CPA5: variants seen among roughly 807,000 people sequenced by gnomAD.
The protein encoded by CPA5 is carboxypeptidase A5.
A neutral mutation model predicts 52.2 loss-of-function variants in CPA5; 38 were observed. The observed-to-expected ratio is 0.73, with a 90% CI of 0.56 to 0.95. The LOEUF is 0.95. Among genes scored for constraint, CPA5 ranks in the 40% least tolerant of loss-of-function variants. The pLI, the probability that CPA5 is intolerant of heterozygous loss-of-function variation, is 0.00. For synonymous variants in CPA5, 198 were observed against 213.7 expected, an observed-to-expected ratio of 0.93 and a Z score of 0.64; for missense variants, 519 against 566.7, an observed-to-expected ratio of 0.92 and a Z score of 0.86.
intron 8 of CPA5, 119 bp downstream of exon 8, chr7:130,362,658 C>T (rs1305781528): frequency 2.2e-5 from 16 of 739,294 alleles, no homozygotes; most frequent in Middle Eastern, 2.6e-4. Context: ...GTCTCCATCC[C>T]GCCCTTTGGA....
downstream of CPA5, among the ~76,000 whole-genome samples, chr7:130,369,947 C>G (rs1796276911): frequency 6.6e-6 from 1 of 152,172 alleles, no homozygotes; most frequent in African/African-American, 2.4e-5. Context: ...ATCAAAACCC[C>G]AAGTAAGGTT....
chr7:130,369,667 G>A (rs1796272223), downstream of CPA5, among the ~76,000 whole-genome samples: 1 of 152,160 alleles, frequency 6.6e-6, no homozygotes, highest in Non-Finnish European at 1.5e-5. Context: ...GTGCACGTGT[G>A]TGCATGTGCG....
At chr7:130,353,102 TAC>T (rs1379881603) in intron 5 of CPA5, among the ~76,000 whole-genome samples, 5 of 151,990 alleles carry the variant, frequency 3.3e-5, no homozygotes, top group African/African-American at 1.2e-4. Context: ...ACCATGCAAA[TAC>T]AGTTATTTCT....
At chr7:130,358,585 A>G (rs540230798) in intron 5 of CPA5, among the ~76,000 whole-genome samples, 4 of 152,312 alleles carry the variant, frequency 2.6e-5, no homozygotes, top group Admixed American at 6.5e-5. Flanking sequence ...GTTGTGGCCC[A>G]GTGCTGCAAA....
chr7:130,366,328 C>G (rs782788639), intron 10 of CPA5, among the ~76,000 whole-genome samples: 1 of 152,114 alleles, frequency 6.6e-6, no homozygotes, highest in African/African-American at 2.4e-5. Flanking sequence ...GCCAACATTC[C>G]AGGGAAGAGG....
intron 5 of CPA5, among the ~76,000 whole-genome samples, chr7:130,351,909 A>T (rs1554404042): frequency 1.3e-5 from 2 of 152,078 alleles, no homozygotes; most frequent in Non-Finnish European, 2.9e-5. Context: ...AGTTCAGGAC[A>T]GGCACAACCT....
rs1206684584 is a variant in CPA5, at chr7:130,362,504, A to C, written c.601A>C (p.Ile201Leu). Residue 201 changes from isoleucine (I) to leucine (L), a missense_variant, in exon 8 of 13, where the codon ATC becomes CTC. Transcript: ENST00000474905. ...IDTGIHSREW[I>L]THATGIWTAN... ...CACTGGAATTCACTCCCGGGAGTGG[A>C]TCACCCATGCCACCGGCATCTGGAC... 37 of 1,613,544 alleles carry C rather than the reference A, an allele frequency of 2.3e-5. No homozygotes were observed. The highest frequency in any genetic ancestry group is 4.0e-5 in the African/African-American group (3 of 74,904).
intron 5 of CPA5, among the ~76,000 whole-genome samples, chr7:130,353,238 TCCGC>T (rs1554404439): frequency 2.5e-5 from 1 of 39,858 alleles, no homozygotes; most frequent in Non-Finnish European, 5.9e-5. Context: ...TCCATCCCTG[TCCGC>T]CAGCAGGCTG....
Position 130,362,991 on chromosome 7 carries a change from C to A in CPA5, c.744C>A (p.Ser248Arg). 6.3e-7 allele frequency: 1 copy of A among 1,586,984 alleles called. No homozygotes were observed. Among genetic ancestry groups the A allele is most frequent in the Non-Finnish European group, 8.7e-7 (1 of 1,155,500 alleles). The change falls in exon 9 of 13, where the codon AGC (serine) becomes AGA (arginine). Residue 248 changes from serine (S) to arginine (R), a missense_variant. Physicochemically the swap from Ser to Arg is moderately radical, Grantham distance 110. Transcript: ENST00000474905. The part of the protein sequence containing the change: ...TNPDGFAFTH[S>R]MNRLWRKNKS... ...CTGATGGGTTTGCTTTTACCCACAG[C>A]ATGGTGAGGGAACCTGGGAAGGATG...
At chr7:130,365,781 C>T (rs1554408100) in intron 10 of CPA5, among the ~76,000 whole-genome samples, 4 of 152,240 alleles carry the variant, frequency 2.6e-5, no homozygotes, top group South Asian at 4.1e-4. Flanking sequence ...GTGCGTGGGC[C>T]GCAAAGGCAG....
chr7:130,366,429 G>T (rs782439936), intron 10 of CPA5, among the ~76,000 whole-genome samples: 8 of 152,286 alleles, frequency 5.3e-5, no homozygotes, highest in South Asian at 4.1e-4. Context: ...CCTCCCCTCA[G>T]GAATAAGGGA....
At chr7:130,363,588 A>G in intron 10 of CPA5, 79 bp downstream of exon 10, 1 of 1,199,928 alleles carries the variant, frequency 8.3e-7, no homozygotes, top group African/African-American at 1.5e-5. Context: ...CAGTCAGATT[A>G]TGTTGACTCA....
At chr7:130,367,771 T>G in intron 11 of CPA5, 135 bp from the exon 12 acceptor site, 1 of 873,708 alleles carries the variant, frequency 1.1e-6, no homozygotes, top group Non-Finnish European at 1.9e-6. Flanking sequence ...CTGTGCTCCC[T>G]TCTCACAAGG....
At chr7:130,359,483 T>C (rs1234537699) in intron 5 of CPA5, 106 bp from the exon 6 acceptor site, 21 of 738,930 alleles carry the variant, frequency 2.8e-5, no homozygotes, top group Admixed American at 2.6e-4. Context: ...CTCATTCTCC[T>C]GTGTTGCTGC....
intron 4 of CPA5, 148 bp downstream of exon 4, chr7:130,347,995 C>A (rs183207536): frequency 1.6e-6 from 1 of 621,528 alleles, no homozygotes; most frequent in African/African-American, 1.9e-5. Flanking sequence ...CACGTGGCTC[C>A]ACTTCAGGAA....
downstream of CPA5, chr7:130,368,742 T>C: frequency 2.5e-6 from 2 of 787,284 alleles, no homozygotes; most frequent in Admixed American, 2.8e-5. Flanking sequence ...TCGCTGCCTC[T>C]CGTGTTGGCT....
In CPA5 at chr7:130,368,652, C is replaced by T; in HGVS notation, c.*55C>T. On this transcript the variant is annotated 3_prime_UTR_variant, in exon 13 of 13. Coordinates refer to ENST00000474905, the MANE Select transcript of CPA5 (RefSeq NM_080385.5). ...CTTCTCCCCAAGGTCTGTGGCTCCT[C>T]CCGAAACCCAAGTTATGCATCCCCA... The T allele has an allele frequency of 2.5e-6, 4 of 1,582,358 alleles. No homozygotes were observed. The highest frequency in any genetic ancestry group is 1.1e-5 in the South Asian group (1 of 89,484).
At chr7:130,362,824 C>A in intron 8 of CPA5, 60 bp from the exon 9 acceptor site, 1 of 1,087,902 alleles carries the variant, frequency 9.2e-7, no homozygotes, top group Non-Finnish European at 1.4e-6. Context: ...TGAAAATGTC[C>A]TGTGCCACCT....
At chr7:130,361,816 C>T (rs1158261250) in intron 7 of CPA5, among the ~76,000 whole-genome samples, 2 of 152,136 alleles carry the variant, frequency 1.3e-5, no homozygotes, top group Admixed American at 1.3e-4. Context: ...AAAGGGCACC[C>T]GGGAGTGTGG....
Sources: gnomAD v4.1 joint callset for allele counts (sites outside exome capture counted in the v4.1 genomes callset) on GRCh38, gnomAD v4.1.1 for gene constraint, MANE v1.5 for transcripts, NCBI Gene and HGNC (gene_info 2026-07-23, HGNC 2026-07-21) for gene names.